The following COG7 variants were observed in gnomAD, a reference collection of about 807,000 sequenced individuals.
COG7 encodes component of oligomeric golgi complex 7.
COG7 carries 49 observed loss-of-function variants against 91.5 expected under a neutral mutation model. The observed-to-expected ratio is 0.54, with a 90% CI of 0.43 to 0.68. The LOEUF is 0.68. Among genes scored for constraint, COG7 ranks in the 30% least tolerant of loss-of-function variants. COG7 has a pLI of 0.00. For synonymous variants in COG7, 365 were observed against 388.7 expected (o/e 0.94, Z 0.72); for missense variants, 895 against 961.3 (o/e 0.93, Z 0.91).
At position 23,388,972 on chromosome 16, in the gene COG7, A is replaced by T. The variant is rs751099719; in HGVS notation, c.2261T>A (p.Leu754Gln). The T allele has an allele frequency of 6.2e-7, 1 of 1,614,092 alleles. No homozygotes were observed. Among genetic ancestry groups the T allele is most frequent in the Non-Finnish European group, 8.5e-7 (1 of 1,180,006 alleles). Residue 754 changes from leucine to glutamine, a missense_variant, in exon 17 of 17, where the codon CTG (leucine) becomes CAG (glutamine). Physicochemically the swap from Leu to Gln is moderately radical, Grantham distance 113. Coordinates refer to ENST00000307149, the MANE Select transcript of COG7 (RefSeq NM_153603.4). ...PEDYRQVSKGLPRRLATTVAT... is the reference protein window; with the variant it reads ...PEDYRQVSKGQPRRLATTVAT... ...CACGGTGGTGGCCAGGCGACGGGGC[A>T]GGCCTTTGCTGACCTGTCTATAGTC...
At chr16:23,424,427 G>A (rs972634740) in intron 7 of COG7, among the ~76,000 whole-genome samples, 4 of 151,632 alleles carry the variant, frequency 2.6e-5, no homozygotes, top group Non-Finnish European at 5.9e-5. Context: ...GTAATCTGCC[G>A]CCAACTCTTT....
chr16:23,428,280 C>T (rs1016748224), intron 6 of COG7, among the ~76,000 whole-genome samples: 12 of 151,946 alleles, frequency 7.9e-5, no homozygotes, highest in Admixed American at 5.9e-4. Context: ...ACCCAGGAGG[C>T]GGAGGTTGCA....
chr16:23,433,053 T>G (rs1326820563), intron 6 of COG7, among the ~76,000 whole-genome samples: 1 of 152,188 alleles, frequency 6.6e-6, no homozygotes, highest in East Asian at 1.9e-4. Flanking sequence ...GACGTGGATT[T>G]CTAAGCTTAT....
intron 6 of COG7, 92 bp downstream of exon 6, chr16:23,433,453 C>G: frequency 6.7e-7 from 1 of 1,503,422 alleles, no homozygotes; most frequent in Admixed American, 1.7e-5. Context: ...TTGAGCTGTG[C>G]TCTGCAGTTG....
intron 12 of COG7, among the ~76,000 whole-genome samples, chr16:23,405,222 G>A (rs1963439879): frequency 6.6e-6 from 1 of 152,206 alleles, no homozygotes; most frequent in Non-Finnish European, 1.5e-5. Context: ...AAGTCCTCAT[G>A]GTCCCATGTG....
chr16:23,447,579 G>A (rs1415451512), intron 1 of COG7, among the ~76,000 whole-genome samples: 1 of 151,628 alleles, frequency 6.6e-6, no homozygotes, highest in Non-Finnish European at 1.5e-5. Flanking sequence ...GACAGAGCAA[G>A]ACCCTGTTTC....
At position 23,443,691 on chromosome 16, in the gene COG7, C is replaced by CAATA. The variant is rs777042676; in HGVS notation, c.436-1050_436-1047dup. Among the ~76,000 whole-genome samples the CAATA allele has an allele frequency of 4.0e-5, 6 of 151,566 alleles. No homozygotes were observed. The South Asian group carries it at 8.4e-4, about 21-fold the overall frequency. On this transcript the variant is annotated intron_variant, in intron 3 of 16. Transcript: ENST00000307149. ...TGGGCAACAGAGCAAGACTCTGTCTCAATAAATAAATAAATAAAAGATAGA... is the reference window on the plus strand; with the variant it reads ...TGGGCAACAGAGCAAGACTCTGTCTCAATAAATAAATAAATAAATAAAAGATAGA...
chr16:23,415,365 C>A (rs960854533), intron 9 of COG7: 1 of 152,222 alleles, frequency 6.6e-6, no homozygotes, highest in Non-Finnish European at 1.5e-5. Flanking sequence ...CCACTATTCT[C>A]AGGTATGGTT....
intron 7 of COG7, 85 bp from the exon 8 acceptor site, chr16:23,418,912 C>T (rs1963703463): frequency 1.6e-6 from 2 of 1,255,136 alleles, no homozygotes; most frequent in East Asian, 4.8e-5. Flanking sequence ...AGGCGCTCTA[C>T]TAGAACTTTC....
chr16:23,395,248 G>T (rs1227768782), intron 14 of COG7, among the ~76,000 whole-genome samples: 1 of 152,178 alleles, frequency 6.6e-6, no homozygotes, highest in Non-Finnish European at 1.5e-5. Context: ...ATTTCAGCTT[G>T]AAGTGTTAAC....
In COG7 at chr16:23,405,873, C is replaced by A. The variant is rs139595186; in HGVS notation, c.1662+203G>T. 3.3e-3 allele frequency among the ~76,000 whole-genome samples: 509 copies of A among 152,292 alleles called. 2 individuals are homozygous for A. The highest frequency in any genetic ancestry group is 5.9e-3 in the Non-Finnish European group (399 of 68,026). ...AGTAATAAAGATCCATCTCTTCTAA[C>A]CTCTACATCTGTATCTCAATGGGTT... is the stretch of plus-strand genomic sequence containing the variant. On this transcript the variant is annotated intron_variant, in intron 12 of 16. Coordinates refer to ENST00000307149, the MANE Select transcript of COG7 (RefSeq NM_153603.4).
At chr16:23,407,691 T>A (rs1374231952) in intron 11 of COG7, among the ~76,000 whole-genome samples, 10 of 152,184 alleles carry the variant, frequency 6.6e-5, no homozygotes, top group Admixed American at 6.5e-4. Flanking sequence ...TCTTCATTTG[T>A]GAATTACTAG....
In COG7 at chr16:23,406,683, T is replaced by C. The variant is rs149011822; in HGVS notation, c.1476-421A>G. On this transcript the variant is annotated intron_variant, in intron 11 of 16. Coordinates refer to ENST00000307149, the MANE Select transcript of COG7 (RefSeq NM_153603.4). ...AGAGACCGCTGGGCAGGATAGCAGCTGGCTGGCTCCTAGAGAACAGTGACA... is the reference window on the plus strand; with the variant it reads ...AGAGACCGCTGGGCAGGATAGCAGCCGGCTGGCTCCTAGAGAACAGTGACA... Among the ~76,000 whole-genome samples, 75 of 152,328 alleles carry C rather than the reference T, an allele frequency of 4.9e-4. No homozygotes were observed. In the East Asian group the frequency reaches 0.011, roughly 23 times the overall value.
At chr16:23,399,865 G>GGATCCTGGATCCTA (rs1963346259) in intron 13 of COG7, among the ~76,000 whole-genome samples, 1 of 152,138 alleles carries the variant, frequency 6.6e-6, no homozygotes, top group Non-Finnish European at 1.5e-5. Context: ...TCTACGTGCA[G>GGATCCTGGATCCTA]GATCCTGGAT....
At chr16:23,445,719 A>G (rs752442454) in intron 2 of COG7, 94 bp downstream of exon 2, 2 of 1,320,440 alleles carry the variant, frequency 1.5e-6, no homozygotes, top group Non-Finnish European at 2.2e-6. Context: ...TGGCCTCCCA[A>G]AACACCGTGC....
At chr16:23,405,581 A>G (rs916135687) in intron 12 of COG7, among the ~76,000 whole-genome samples, 2 of 151,154 alleles carry the variant, frequency 1.3e-5, no homozygotes, top group Admixed American at 6.6e-5. Flanking sequence ...TAGTGGCACA[A>G]TATTAGCTCA....
intron 10 of COG7, among the ~76,000 whole-genome samples, chr16:23,411,084 T>C (rs895551614): frequency 2.6e-5 from 4 of 152,172 alleles, no homozygotes; most frequent in African/African-American, 9.7e-5. Flanking sequence ...ACACAGAAAA[T>C]GTTTTGGTAC....
chr16:23,403,601 G>C (rs1963412142), intron 13 of COG7, 93 bp downstream of exon 13: 1 of 1,514,652 alleles, frequency 6.6e-7, no homozygotes, highest in Non-Finnish European at 9.1e-7. Flanking sequence ...TCTTCCCAAA[G>C]CTCTTGGAAC....
intron 1 of COG7, among the ~76,000 whole-genome samples, chr16:23,449,380 T>TTAAAATAAAATAAAATAAAA (rs373494185): frequency 1.6e-3 from 220 of 134,710 alleles, no homozygotes; most frequent in African/African-American, 5.7e-3. Context: ...TAAAATTAAA[T>TTAAAATAAAATAAAATAAAA]TAAAATAAAA....
Sources: allele counts gnomAD v4.1 joint callset (sites outside exome capture counted in the v4.1 genomes callset), GRCh38; gene constraint gnomAD v4.1.1; transcripts MANE v1.5; gene names NCBI Gene and HGNC (gene_info 2026-07-23, HGNC 2026-07-21).